Variants in MBD5 observed in about 807,000 individuals in gnomAD.
The protein encoded by MBD5 is methyl-CpG-binding domain protein 5.
Under a neutral mutation model 117.3 loss-of-function variants are expected in MBD5, and 13 were observed. That is an observed-to-expected ratio of 0.11 (90% confidence interval 0.07 to 0.18). MBD5 has a LOEUF of 0.18. Among genes scored for constraint, MBD5 ranks in the 10% least tolerant of loss-of-function variants. The pLI, the probability that MBD5 is intolerant of heterozygous loss-of-function variation, is 1.00. For synonymous variants in MBD5, 727 were observed against 766.4 expected (o/e 0.95, Z 0.85); for missense variants, 1,879 against 2,093.8 (o/e 0.90, Z 2.00).
chr2:148,050,388 T>C (rs1299392693), intron 1 of MBD5, among the ~76,000 whole-genome samples: 1 of 152,178 alleles, frequency 6.6e-6, no homozygotes, highest in East Asian at 1.9e-4. Flanking sequence ...ATTCAAATCC[T>C]TTTCCACTTT....
At chr2:148,148,436 T>A (rs1477687259) in intron 1 of MBD5, among the ~76,000 whole-genome samples, 1 of 152,202 alleles carries the variant, frequency 6.6e-6, no homozygotes, top group Non-Finnish European at 1.5e-5. Context: ...ATATGGAAAT[T>A]CAGCCACTTT....
intron 1 of MBD5, among the ~76,000 whole-genome samples, chr2:148,150,437 T>A (rs1390696552): frequency 4.6e-5 from 7 of 152,106 alleles, no homozygotes; most frequent in Non-Finnish European, 7.3e-5. Context: ...CTTTTTTGGT[T>A]CCATATGAAC....
chr2:148,425,763 T>A (rs1195586959), intron 4 of MBD5, among the ~76,000 whole-genome samples: 1 of 152,198 alleles, frequency 6.6e-6, no homozygotes, highest in African/African-American at 2.4e-5. Context: ...ATCCATCACA[T>A]AAACAGAATA....
At chr2:148,279,088 C>T (rs1313648580) in intron 3 of MBD5, among the ~76,000 whole-genome samples, 1 of 152,146 alleles carries the variant, frequency 6.6e-6, no homozygotes, top group Non-Finnish European at 1.5e-5. Flanking sequence ...ATGCCAGTCT[C>T]CTCTGGGAAC....
intron 1 of MBD5, among the ~76,000 whole-genome samples, chr2:148,147,779 C>T (rs1446008747): frequency 6.6e-6 from 1 of 152,030 alleles, no homozygotes; most frequent in African/African-American, 2.4e-5. Flanking sequence ...TTGTGAAGGG[C>T]CTGTGTGTGT....
At chr2:148,273,510 G>A (rs1268090689) in intron 3 of MBD5, among the ~76,000 whole-genome samples, 1 of 152,012 alleles carries the variant, frequency 6.6e-6, no homozygotes, top group Non-Finnish European at 1.5e-5. Flanking sequence ...GCACCACCCT[G>A]ACCAGTAACC....
intron 4 of MBD5, among the ~76,000 whole-genome samples, chr2:148,388,325 T>C (rs1704443696): frequency 6.6e-6 from 1 of 152,174 alleles, no homozygotes; most frequent in African/African-American, 2.4e-5. Flanking sequence ...CGGTGACTTA[T>C]ATATGAAATC....
At chr2:148,182,727 C>G (rs1338318901) in intron 2 of MBD5, among the ~76,000 whole-genome samples, 2 of 152,222 alleles carry the variant, frequency 1.3e-5, no homozygotes, top group East Asian at 3.8e-4. Flanking sequence ...CTTCCACTCC[C>G]CTTCCAATGG....
chr2:148,397,441 T>G (rs1488317842), intron 4 of MBD5, among the ~76,000 whole-genome samples: 1 of 150,322 alleles, frequency 6.7e-6, no homozygotes, highest in Non-Finnish European at 1.5e-5. Context: ...ACCATTCTCC[T>G]GCCTCAGCCT....
At chr2:148,181,324 T>C (rs1698531034) in intron 2 of MBD5, among the ~76,000 whole-genome samples, 1 of 152,188 alleles carries the variant, frequency 6.6e-6, no homozygotes, top group Non-Finnish European at 1.5e-5. Flanking sequence ...TTACCACATG[T>C]TCATCATGTC....
At chr2:148,221,705 T>G (rs1236427025) in intron 2 of MBD5, among the ~76,000 whole-genome samples, 2 of 152,164 alleles carry the variant, frequency 1.3e-5, no homozygotes, top group Non-Finnish European at 2.9e-5. Context: ...TCCAATTCTT[T>G]GTGGTGTCTC....
intron 3 of MBD5, among the ~76,000 whole-genome samples, chr2:148,339,004 C>T (rs558760442): frequency 1.6e-4 from 24 of 152,196 alleles, no homozygotes; most frequent in Admixed American, 1.4e-3. Flanking sequence ...CTCGTGACAA[C>T]GTGGAGAGAA....
intron 4 of MBD5, among the ~76,000 whole-genome samples, chr2:148,431,058 A>G (rs1018377686): frequency 2.0e-5 from 3 of 152,102 alleles, no homozygotes; most frequent in Middle Eastern, 3.4e-3. Context: ...TCTTCCCCCT[A>G]CTTTGGAGAG....
chr2:148,328,685 T>G (rs1702543604), intron 3 of MBD5, among the ~76,000 whole-genome samples: 1 of 152,236 alleles, frequency 6.6e-6, no homozygotes, highest in Non-Finnish European at 1.5e-5. Context: ...AGGCAATGCC[T>G]CACCCTGCTT....
intron 11 of MBD5, among the ~76,000 whole-genome samples, chr2:148,501,666 C>CCA (rs1180411950): frequency 6.6e-6 from 1 of 151,930 alleles, no homozygotes; most frequent in Non-Finnish European, 1.5e-5. Flanking sequence ...GTTGCACCCT[C>CCA]CACACACACA....
At chr2:148,441,523 T>G (rs1050058631) in intron 4 of MBD5, among the ~76,000 whole-genome samples, 27 of 152,290 alleles carry the variant, frequency 1.8e-4, no homozygotes, top group South Asian at 4.2e-4. Context: ...CATTTGGGTT[T>G]GTTCCAAGTC....
chr2:148,484,572 A>G (rs995320156), intron 9 of MBD5, among the ~76,000 whole-genome samples: 1 of 152,200 alleles, frequency 6.6e-6, no homozygotes, highest in African/African-American at 2.4e-5. Flanking sequence ...TTCCAGGTGA[A>G]CCCTAAATAA....
At chr2:148,103,899 C>T (rs1696298626) in intron 1 of MBD5, among the ~76,000 whole-genome samples, 1 of 152,064 alleles carries the variant, frequency 6.6e-6, no homozygotes, top group South Asian at 2.1e-4. Flanking sequence ...TAAATTCCTA[C>T]TCCTTAGGAA....
rs1559110383 is a variant in MBD5, at chr2:148,513,029, A to G, written c.*88A>G. 1 of 1,262,142 alleles carries G rather than the reference A, an allele frequency of 7.9e-7. No individual in the cohort carries two copies. The allele number at this position is 1,262,142 out of a possible 1,614,324, so 78.2% of individuals were successfully genotyped here. A position where few individuals can be genotyped will look rare whatever the true frequency, so the allele number is the denominator to read the frequency against. On this transcript the variant is annotated 3_prime_UTR_variant, in exon 14 of 14. Transcript: ENST00000642680. ...TAGGTATTGATATAGCCACAGTTAT[A>G]TCAATATTTAGACTATGGCAGATAG...
Sources: gnomAD v4.1 joint callset for allele counts (sites outside exome capture counted in the v4.1 genomes callset) on GRCh38, gnomAD v4.1.1 for gene constraint, MANE v1.5 for transcripts, NCBI Gene and HGNC (gene_info 2026-07-23, HGNC 2026-07-21) for gene names.